The following MCTP1 variants were observed in gnomAD, a reference collection of about 807,000 sequenced individuals.
MCTP1 encodes multiple C2 and transmembrane domain-containing protein 1.
Under a neutral mutation model 120.6 loss-of-function variants are expected in MCTP1, and 69 were observed. That is an observed-to-expected ratio of 0.57 (90% CI 0.47 to 0.70). The LOEUF is 0.70. MCTP1 is among the 30% of genes least tolerant of loss of function. The pLI, the probability that MCTP1 is intolerant of heterozygous loss-of-function variation, is 0.00. For missense variants in MCTP1, 1,203 were observed against 1,248.8 expected, an observed-to-expected ratio of 0.96 and a Z score of 0.55; for synonymous variants, 529 against 493.1, an observed-to-expected ratio of 1.07 and a Z score of -0.96.
chr5:94,920,797 C>A (rs927834845), intron 7 of MCTP1, among the ~76,000 whole-genome samples: 22 of 148,074 alleles, frequency 1.5e-4, no homozygotes, highest in Non-Finnish European at 2.5e-4. Flanking sequence ...AATAAAAAGT[C>A]AAAAACTCTT....
intron 1 of MCTP1, among the ~76,000 whole-genome samples, chr5:95,250,605 C>A (rs1048062121): frequency 3.3e-5 from 5 of 152,200 alleles, no homozygotes; most frequent in African/African-American, 1.2e-4. Context: ...AACTGTAAGC[C>A]AGTTATTTAA....
intron 16 of MCTP1, among the ~76,000 whole-genome samples, chr5:94,869,970 A>G (rs1318027405): frequency 6.6e-6 from 1 of 152,058 alleles, no homozygotes; most frequent in Non-Finnish European, 1.5e-5. Flanking sequence ...TCGCATCTGG[A>G]TTAGAGGGAA....
intron 1 of MCTP1, among the ~76,000 whole-genome samples, chr5:95,230,555 T>C (rs1754816876): frequency 2.0e-5 from 3 of 152,148 alleles, no homozygotes; most frequent in Admixed American, 1.3e-4. Context: ...AATATGGGAC[T>C]CTCAGGCTCC....
chr5:95,071,399 G>A (rs80157191), intron 1 of MCTP1, among the ~76,000 whole-genome samples: 4,276 of 152,152 alleles, frequency 0.028, 59 homozygotes, highest in Admixed American at 0.037. Flanking sequence ...TTCAAACAGC[G>A]GGGAAACAAA....
At chr5:94,782,629 G>A (rs761526349) in intron 18 of MCTP1, among the ~76,000 whole-genome samples, 1 of 152,150 alleles carries the variant, frequency 6.6e-6, no homozygotes, top group Non-Finnish European at 1.5e-5. Context: ...TAGGATGAGA[G>A]TGCTGGAGTT....
intron 17 of MCTP1, among the ~76,000 whole-genome samples, chr5:94,827,811 C>T (rs1282211054): frequency 6.6e-6 from 1 of 151,580 alleles, no homozygotes; most frequent in African/African-American, 2.4e-5. Flanking sequence ...TTTTTCAGCT[C>T]CGTCAGGTCA....
chr5:94,809,097 A>C (rs867585104), intron 17 of MCTP1, among the ~76,000 whole-genome samples: 2 of 152,156 alleles, frequency 1.3e-5, no homozygotes, highest in South Asian at 4.1e-4. Context: ...AAAAGCACCT[A>C]GTGAAGAATC....
At chr5:94,983,610 A>G (rs1341953287) in intron 2 of MCTP1, among the ~76,000 whole-genome samples, 1 of 152,094 alleles carries the variant, frequency 6.6e-6, no homozygotes, top group Non-Finnish European at 1.5e-5. Context: ...GTTCACAACC[A>G]GCCTGGGTGA....
At chr5:94,734,356 T>C (rs1409825937) in intron 19 of MCTP1, among the ~76,000 whole-genome samples, 1 of 152,038 alleles carries the variant, frequency 6.6e-6, no homozygotes, top group Non-Finnish European at 1.5e-5. Flanking sequence ...AACACAAACA[T>C]AGAGTAAAAA....
At chr5:94,725,731 TTAGC>T (rs543835436) in intron 19 of MCTP1, among the ~76,000 whole-genome samples, 2 of 152,194 alleles carry the variant, frequency 1.3e-5, no homozygotes, top group Non-Finnish European at 2.9e-5. Flanking sequence ...CATCATTTTC[TTAGC>T]TAGGTGATTT....
intron 1 of MCTP1, among the ~76,000 whole-genome samples, chr5:95,222,229 C>T (rs1386774683): frequency 6.6e-6 from 1 of 152,208 alleles, no homozygotes; most frequent in African/African-American, 2.4e-5. Flanking sequence ...CTTCTCTCCA[C>T]ACTGCAGTCC....
intron 17 of MCTP1, among the ~76,000 whole-genome samples, chr5:94,852,050 A>G (rs2053593976): frequency 6.6e-6 from 1 of 151,942 alleles, no homozygotes; most frequent in South Asian, 2.1e-4. Flanking sequence ...CTCTATAATT[A>G]AATTGTTCAG....
At chr5:95,251,264 A>G (rs1263462629) in intron 1 of MCTP1, among the ~76,000 whole-genome samples, 5 of 152,008 alleles carry the variant, frequency 3.3e-5, no homozygotes, top group African/African-American at 1.2e-4. Context: ...AAGGGAAAGC[A>G]AGCGCAAAGA....
chr5:94,904,214 G>A (rs1294127038), intron 10 of MCTP1, among the ~76,000 whole-genome samples: 2 of 152,264 alleles, frequency 1.3e-5, no homozygotes, highest in African/African-American at 4.8e-5. Flanking sequence ...ATGGCTCCAG[G>A]ACAACATGCT....
intron 1 of MCTP1, among the ~76,000 whole-genome samples, chr5:95,091,478 A>G (rs1384618948): frequency 6.6e-6 from 1 of 152,164 alleles, no homozygotes; most frequent in Non-Finnish European, 1.5e-5. Flanking sequence ...AGGTGATGCC[A>G]TGTGACTTCT....
chr5:94,840,579 C>G (rs1305063019), intron 17 of MCTP1, among the ~76,000 whole-genome samples: 1 of 150,610 alleles, frequency 6.6e-6, no homozygotes, highest in Non-Finnish European at 1.5e-5. Context: ...ATTTTTTTTT[C>G]TTTATGTCTA....
At chr5:95,178,933 C>T (rs1191048043) in intron 1 of MCTP1, among the ~76,000 whole-genome samples, 1 of 151,960 alleles carries the variant, frequency 6.6e-6, no homozygotes, top group Non-Finnish European at 1.5e-5. Context: ...AAACATGATA[C>T]ACGATATGAG....
At chr5:94,913,501 G>A (rs2153446346) in intron 8 of MCTP1, among the ~76,000 whole-genome samples, 1 of 152,264 alleles carries the variant, frequency 6.6e-6, no homozygotes, top group East Asian at 1.9e-4. Context: ...TTGAGCTTCA[G>A]ATTGCTAAAG....
chr5:95,266,122 T>C (rs1195686695), intron 1 of MCTP1, among the ~76,000 whole-genome samples: 1 of 152,242 alleles, frequency 6.6e-6, no homozygotes, highest in Non-Finnish European at 1.5e-5. Context: ...TGGGCATATC[T>C]AGACCTACTG....
Sources: allele counts gnomAD v4.1 joint callset (sites outside exome capture counted in the v4.1 genomes callset), GRCh38; gene constraint gnomAD v4.1.1; transcripts MANE v1.5; gene names NCBI Gene and HGNC (gene_info 2026-07-23, HGNC 2026-07-21).